DPY19L4: variants seen among roughly 807,000 people sequenced by gnomAD.
DPY19L4 encodes dpy-19 like 4.
In DPY19L4, 97 loss-of-function variants were observed where a neutral mutation model predicts 102.8. The ratio of observed to expected loss-of-function variants is 0.94; its 90% CI spans 0.80 to 1.12. DPY19L4 has a LOEUF of 1.12. Ranked by LOEUF, DPY19L4 falls within the 50% of genes most tolerant of loss-of-function variation. DPY19L4 has a pLI of 0.00. For missense variants in DPY19L4, 815 were observed against 850.4 expected, an observed-to-expected ratio of 0.96 and a Z score of 0.52; for synonymous variants, 252 against 283.1, an observed-to-expected ratio of 0.89 and a Z score of 1.10.
intron 16 of DPY19L4, among the ~76,000 whole-genome samples, chr8:94,782,510 T>TTTTTTTTTTTTTTTGAG (rs1373105957): frequency 1.1e-4 from 16 of 151,746 alleles, no homozygotes; most frequent in Middle Eastern, 3.4e-3. Flanking sequence ...GCCATTTTTG[T>TTTTTTTTTTTTTTTGAG]AACCAGTCTA....
chr8:94,761,829 G>C lies in DPY19L4; in HGVS notation c.865G>C (p.Asp289His). The C allele has an allele frequency of 6.2e-7, 1 of 1,604,400 alleles. No homozygotes were observed. The highest frequency in any genetic ancestry group is 8.5e-7 in the Non-Finnish European group (1 of 1,176,928). The change falls in exon 8 of 19, where the codon GAC becomes CAC. Residue 289 changes from aspartate to histidine, a missense_variant. Transcript: ENST00000414645. ...AGATACCTTTTCAGTGGAGCAAAGTGACAAGGTATTATGGCATTTTGAAAT... is the reference window on the plus strand; with the variant it reads ...AGATACCTTTTCAGTGGAGCAAAGTCACAAGGTATTATGGCATTTTGAAAT... ...LLDTFSVEQSDKVYEVYKIYI... is the reference protein window; with the variant it reads ...LLDTFSVEQSHKVYEVYKIYI...
Position 94,734,732 on chromosome 8 carries a change from A to G in DPY19L4, c.230A>G (p.Lys77Arg). ...ALYLSAYHERKFWFSNRQELE... is the reference protein window; with the variant it reads ...ALYLSAYHERRFWFSNRQELE... ...TACTTATCAGCATACCATGAACGGAAATTCTGGTTTTCCAACAGGCAGGTA... is the reference window on the plus strand; with the variant it reads ...TACTTATCAGCATACCATGAACGGAGATTCTGGTTTTCCAACAGGCAGGTA... The change falls in exon 3 of 19, where the codon AAA (lysine) becomes AGA (arginine). Residue 77 changes from lysine to arginine, a missense_variant. Transcript: ENST00000414645. 6.2e-7 allele frequency: 1 copy of G among 1,613,654 alleles called. No individual in the cohort carries two copies. Among genetic ancestry groups the G allele is most frequent in the Non-Finnish European group, 8.5e-7 (1 of 1,179,924 alleles).
chr8:94,730,648 G>A (rs1182272188), intron 2 of DPY19L4, among the ~76,000 whole-genome samples: 1 of 151,552 alleles, frequency 6.6e-6, no homozygotes, highest in African/African-American at 2.4e-5. Flanking sequence ...GGGAGGCTGA[G>A]GCAGGAGAAT....
At chr8:94,744,952 T>C (rs1464249676) in intron 6 of DPY19L4, 1 of 184,376 alleles carries the variant, frequency 5.4e-6, no homozygotes, top group African/African-American at 2.3e-5. Flanking sequence ...GTATGTATCT[T>C]GTACTGCAAA....
Position 94,768,489 on chromosome 8 carries a change from T to C in DPY19L4, c.1270T>C (p.Phe424Leu), listed in dbSNP as rs1563605264. The stretch of plus-strand genomic sequence containing the variant: ...ATTGACACAGTCTTCTTTATTACCT[T>C]TCTACATTCTAGTGTTAATTATTTG... Reference protein sequence around the residue: ...LRLTQSSLLPFYILVLIICFL... With the variant: ...LRLTQSSLLPLYILVLIICFL... Residue 424 changes from phenylalanine (F) to leucine (L), a missense_variant, in exon 12 of 19, where the codon TTC (phenylalanine) becomes CTC (leucine). Phe to Leu is a conservative substitution (Grantham distance 22, BLOSUM62 0). Coordinates refer to ENST00000414645, the MANE Select transcript of DPY19L4 (RefSeq NM_181787.3). 1 of 1,593,482 alleles carries C rather than the reference T, an allele frequency of 6.3e-7. No individual in the cohort carries two copies. Among genetic ancestry groups the C allele is most frequent in the South Asian group, 1.1e-5 (1 of 89,000 alleles).
intron 18 of DPY19L4, 95 bp from the exon 19 acceptor site, chr8:94,789,651 G>GT: frequency 1.8e-6 from 2 of 1,138,376 alleles, no homozygotes; most frequent in Non-Finnish European, 1.2e-6. Flanking sequence ...GCAATAATGT[G>GT]TTTTTTCATA....
At chr8:94,730,148 A>T (rs1417123769) in intron 2 of DPY19L4, among the ~76,000 whole-genome samples, 3 of 152,002 alleles carry the variant, frequency 2.0e-5, no homozygotes, top group African/African-American at 7.2e-5. Flanking sequence ...TGTGCATTAA[A>T]TATTACTTAA....
rs1813899878 is a variant in DPY19L4 at position 94,791,936 on chromosome 8, C to A, written c.*2026C>A. The A allele has an allele frequency of 6.6e-6, 1 of 152,148 alleles. No individual in the cohort carries two copies. The highest frequency in any genetic ancestry group is 1.5e-5 in the Non-Finnish European group (1 of 68,018). The allele number at this position is 152,148 out of a possible 1,614,324, so 9.4% of individuals were successfully genotyped here. A position where few individuals can be genotyped will look rare whatever the true frequency, so the allele number is the denominator to read the frequency against. On this transcript the variant is annotated 3_prime_UTR_variant, in exon 19 of 19. Transcript: ENST00000414645. ...ATGGAAATGACAATATTGAATATGA[C>A]AGATAAGTTTATTTGCTTCTGTTTT...
rs747865072 is a variant in DPY19L4, at chr8:94,738,378, C to G, written c.262C>G (p.Arg88Gly). 2.6e-6 allele frequency: 4 copies of G among 1,510,332 alleles called. No homozygotes were observed. In the South Asian group the frequency reaches 5.8e-5, roughly 22 times the overall value. The allele number at this position is 1,510,332 out of a possible 1,614,324, so 93.6% of individuals were successfully genotyped here. The change falls in exon 4 of 19, where the codon CGG (arginine) becomes GGG (glycine). Residue 88 changes from arginine (R) to glycine (G), a missense_variant. By Grantham distance (125) the Arg-to-Gly change is moderately radical. Coordinates refer to ENST00000414645, the MANE Select transcript of DPY19L4 (RefSeq NM_181787.3). ...TTTCATTTTCTTTTAGGAGCTTGAA[C>G]GGGAAATCACGTTTCAGGGTGACAG... ...FWFSNRQELE[R>G]EITFQGDSAI...
At chr8:94,776,605 GTTT>G (rs1001293571) in intron 13 of DPY19L4, among the ~76,000 whole-genome samples, 1 of 150,144 alleles carries the variant, frequency 6.7e-6, no homozygotes, top group African/African-American at 2.5e-5. Flanking sequence ...AAGAACAGAA[GTTT>G]TTTTTGTTGT....
At chr8:94,783,565 T>G (rs2130936594) in intron 16 of DPY19L4, 105 bp from the exon 17 acceptor site, 2 of 1,399,796 alleles carry the variant, frequency 1.4e-6, no homozygotes, top group East Asian at 5.0e-5. Context: ...GAAACTGAAA[T>G]GTGTAAACAT....
At chr8:94,759,694 C>T (rs1290157163) in intron 7 of DPY19L4, among the ~76,000 whole-genome samples, 1 of 151,846 alleles carries the variant, frequency 6.6e-6, no homozygotes, top group Non-Finnish European at 1.5e-5. Flanking sequence ...TTAGTAGAGA[C>T]AGGGTTTCTC....
intron 1 of DPY19L4, among the ~76,000 whole-genome samples, chr8:94,722,330 C>T (rs1227736110): frequency 6.6e-6 from 1 of 151,662 alleles, no homozygotes; most frequent in Non-Finnish European, 1.5e-5. Context: ...TCGATGGAAC[C>T]CAGGAGGCCG....
chr8:94,731,904 A>G (rs1420169553), intron 2 of DPY19L4, among the ~76,000 whole-genome samples: 1 of 151,978 alleles, frequency 6.6e-6, no homozygotes, highest in African/African-American at 2.4e-5. Flanking sequence ...AGTAGCTGGG[A>G]CTACAGGTGC....
At chr8:94,755,997 A>G (rs777769828) in intron 6 of DPY19L4, 39 bp from the exon 7 acceptor site, 1 of 1,576,096 alleles carries the variant, frequency 6.3e-7, no homozygotes, top group South Asian at 1.2e-5. Flanking sequence ...ACACAAATAT[A>G]ATGTCTTATT....
intron 6 of DPY19L4, among the ~76,000 whole-genome samples, chr8:94,751,585 G>A (rs1166966209): frequency 3.3e-5 from 5 of 151,960 alleles, no homozygotes; most frequent in African/African-American, 1.2e-4. Context: ...TCTGCCTCCC[G>A]GGTTCAAGCA....
intron 1 of DPY19L4, chr8:94,720,270 A>G: frequency 1.0e-6 from 1 of 985,172 alleles, no homozygotes; most frequent in South Asian, 4.7e-5. Flanking sequence ...GTAGCAAGAG[A>G]GAAAGCTGTG....
chr8:94,783,346 A>C (rs1242808640), intron 16 of DPY19L4, among the ~76,000 whole-genome samples: 1 of 152,212 alleles, frequency 6.6e-6, no homozygotes, highest in Non-Finnish European at 1.5e-5. Context: ...CTTATCTAAA[A>C]TAATATATTC....
chr8:94,726,030 C>T (rs1810673957), intron 1 of DPY19L4, among the ~76,000 whole-genome samples: 1 of 152,154 alleles, frequency 6.6e-6, no homozygotes, highest in African/African-American at 2.4e-5. Context: ...CCTTGACCCC[C>T]AGTTTGGAAA....
Sources: gnomAD v4.1 joint callset for allele counts (sites outside exome capture counted in the v4.1 genomes callset) on GRCh38, gnomAD v4.1.1 for gene constraint, MANE v1.5 for transcripts, NCBI Gene and HGNC (gene_info 2026-07-23, HGNC 2026-07-21) for gene names.